The following ALK variants were observed in gnomAD, a reference collection of about 807,000 sequenced individuals.
The protein encoded by ALK is ALK tyrosine kinase receptor.
A neutral mutation model predicts 163.1 loss-of-function variants in ALK; 74 were observed. The observed-to-expected ratio is 0.45, with a 90% CI of 0.38 to 0.55. The LOEUF is 0.55. ALK is among the 20% of genes least tolerant of loss of function. ALK has a pLI of 0.00. For missense variants in ALK, 2,063 were observed against 2,105.3 expected (o/e 0.98, Z 0.39); for synonymous variants, 960 against 843.2 (o/e 1.14, Z -2.40).
At chr2:29,465,559 T>C (rs755579699) in intron 4 of ALK, among the ~76,000 whole-genome samples, 8 of 152,036 alleles carry the variant, frequency 5.3e-5, no homozygotes, top group Non-Finnish European at 1.0e-4. Flanking sequence ...CTGGGCGTAG[T>C]GGTGTGTGCC....
At chr2:29,853,752 T>A (rs1395858342) in intron 1 of ALK, among the ~76,000 whole-genome samples, 1 of 152,022 alleles carries the variant, frequency 6.6e-6, no homozygotes, top group African/African-American at 2.4e-5. Flanking sequence ...CTTGCTGGGC[T>A]CCCCAGCCTC....
intron 8 of ALK, among the ~76,000 whole-genome samples, chr2:29,307,941 C>G (rs1447115804): frequency 6.6e-6 from 1 of 152,176 alleles, no homozygotes; most frequent in East Asian, 1.9e-4. Flanking sequence ...CCAGGGAACA[C>G]CAGTGGACAT....
intron 11 of ALK, among the ~76,000 whole-genome samples, chr2:29,272,014 C>G (rs572918342): frequency 2.6e-3 from 399 of 152,278 alleles, no homozygotes; most frequent in Non-Finnish European, 5.0e-3. Context: ...AGGAAGGGTC[C>G]TTGGGCCCTG....
At chr2:29,329,666 C>T (rs1667382902) in intron 5 of ALK, among the ~76,000 whole-genome samples, 1 of 152,196 alleles carries the variant, frequency 6.6e-6, no homozygotes, top group African/African-American at 2.4e-5. Context: ...GGCTGCAAAT[C>T]AAACTCAACT....
At chr2:29,728,460 A>C (rs1401867390) in intron 1 of ALK, among the ~76,000 whole-genome samples, 1 of 152,178 alleles carries the variant, frequency 6.6e-6, no homozygotes, top group Admixed American at 6.5e-5. Context: ...CAGGCTGAGG[A>C]GCTTAGAGTG....
At chr2:29,278,934 CAGG>C (rs750256935) in intron 9 of ALK, among the ~76,000 whole-genome samples, 1 of 152,022 alleles carries the variant, frequency 6.6e-6, no homozygotes, top group African/African-American at 2.4e-5. Context: ...GTGTACCTTC[CAGG>C]AGGCCAGAGG....
intron 5 of ALK, among the ~76,000 whole-genome samples, chr2:29,383,202 C>T (rs1449142983): frequency 6.6e-6 from 1 of 152,136 alleles, no homozygotes; most frequent in East Asian, 1.9e-4. Context: ...CTGCTGTTCC[C>T]TTCTATGTGC....
chr2:29,726,682 C>G (rs1003353654), intron 1 of ALK, among the ~76,000 whole-genome samples: 1 of 152,156 alleles, frequency 6.6e-6, no homozygotes, highest in African/African-American at 2.4e-5. Context: ...GAGAGTGTGA[C>G]CCACTTTCAC....
chr2:29,828,336 G>A (rs1278262834), intron 1 of ALK, among the ~76,000 whole-genome samples: 1 of 152,146 alleles, frequency 6.6e-6, no homozygotes, highest in Non-Finnish European at 1.5e-5. Flanking sequence ...TTAAACTAAA[G>A]AGCTTCTGCA....
Position 29,227,540 on chromosome 2 carries a change from G to C in ALK, c.2914+34C>G. The C allele has an allele frequency of 6.4e-7, 1 of 1,564,336 alleles. No individual in the cohort carries two copies. Among genetic ancestry groups the C allele is most frequent in the East Asian group, 2.2e-5 (1 of 44,630 alleles). On this transcript the variant is annotated intron_variant, in intron 17 of 28. Transcript: ENST00000389048. This position sits in a 1 kb window ranked among gnomAD's most constrained non-coding sequence, Gnocchi z 4.4. ...TAGCTTGGTGGGAGGACTGACCTAA[G>C]CAAGTTTGTTCTGCTGCCTGGCAGA...
intron 1 of ALK, among the ~76,000 whole-genome samples, chr2:29,775,453 C>G (rs1481358882): frequency 6.6e-6 from 1 of 151,952 alleles, no homozygotes; most frequent in African/African-American, 2.4e-5. Context: ...ATGAATGAAG[C>G]CTTAGATGTT....
intron 4 of ALK, among the ~76,000 whole-genome samples, chr2:29,441,556 G>A (rs968917398): frequency 6.6e-6 from 1 of 152,208 alleles, no homozygotes; most frequent in African/African-American, 2.4e-5. Context: ...AGCACTTGTA[G>A]GGCTTGGAGA....
At chr2:29,441,322 C>T (rs938032134) in intron 4 of ALK, among the ~76,000 whole-genome samples, 2 of 152,202 alleles carry the variant, frequency 1.3e-5, no homozygotes, top group African/African-American at 4.8e-5. Flanking sequence ...CTGGGGGAAT[C>T]ACAGAGTGGG....
intron 3 of ALK, among the ~76,000 whole-genome samples, chr2:29,651,023 A>C (rs1007027544): frequency 6.6e-6 from 1 of 152,108 alleles, no homozygotes; most frequent in African/African-American, 2.4e-5. Context: ...TTGAAACAAC[A>C]GTGGTGTGGG....
intron 5 of ALK, among the ~76,000 whole-genome samples, chr2:29,337,452 G>T (rs900753509): frequency 6.6e-6 from 1 of 152,134 alleles, no homozygotes; most frequent in African/African-American, 2.4e-5. Context: ...ACCCTCTAAA[G>T]CCAGCCATTC....
At chr2:29,496,995 G>A (rs11903132) in intron 4 of ALK, among the ~76,000 whole-genome samples, 31,396 of 152,194 alleles carry the variant, frequency 0.21, 3,553 homozygotes, top group East Asian at 0.31. Context: ...ATGAGGCCAG[G>A]CATGGTGGCT....
At chr2:29,741,003 GA>G (rs1457894072) in intron 1 of ALK, among the ~76,000 whole-genome samples, 1 of 151,750 alleles carries the variant, frequency 6.6e-6, no homozygotes, top group African/African-American at 2.4e-5. Context: ...CTCTGCCTCA[GA>G]AAAAAATAAA....
intron 3 of ALK, among the ~76,000 whole-genome samples, chr2:29,663,176 A>G (rs771312817): frequency 2.2e-4 from 34 of 152,160 alleles, no homozygotes; most frequent in Non-Finnish European, 3.7e-4. Context: ...TAATTTCCCC[A>G]TTGGAACTCC....
chr2:29,829,893 A>G (rs1420620604), intron 1 of ALK, among the ~76,000 whole-genome samples: 1 of 152,176 alleles, frequency 6.6e-6, no homozygotes, highest in African/African-American at 2.4e-5. Context: ...AGCAAACCCT[A>G]TGGGCTGTTG....
Sources: allele counts gnomAD v4.1 joint callset (sites outside exome capture counted in the v4.1 genomes callset), GRCh38; gene constraint gnomAD v4.1.1; non-coding constraint Gnocchi (gnomAD v3.1); transcripts MANE v1.5; gene names NCBI Gene and HGNC (gene_info 2026-07-23, HGNC 2026-07-21).